Variants in NEGR1 observed in about 807,000 individuals in gnomAD.
NEGR1 encodes neuronal growth regulator 1.
A neutral mutation model predicts 40.9 loss-of-function variants in NEGR1; 10 were observed. The observed-to-expected ratio is 0.24, with a 90% confidence interval of 0.15 to 0.42. The LOEUF (loss-of-function observed/expected upper bound fraction) is 0.42. NEGR1 is among the 10% of genes least tolerant of loss of function. The pLI, the probability that NEGR1 is intolerant of heterozygous loss-of-function variation, is 1.00. For synonymous variants in NEGR1, 185 were observed against 166.8 expected, an observed-to-expected ratio of 1.11 and a Z score of -0.84; for missense variants, 352 against 438.9, an observed-to-expected ratio of 0.80 and a Z score of 1.77.
chr1:72,043,037 G>A (rs968871924), intron 1 of NEGR1, among the ~76,000 whole-genome samples: 5 of 151,846 alleles, frequency 3.3e-5, no homozygotes, highest in Admixed American at 1.3e-4. Context: ...CTAGGGGGTG[G>A]GAGTGGCATA....
chr1:71,845,734 T>TCTATCTACCTAC (rs1553169265), intron 2 of NEGR1, among the ~76,000 whole-genome samples: 6 of 77,686 alleles, frequency 7.7e-5, no homozygotes, highest in African/African-American at 2.4e-4. Context: ...TATCTATCTA[T>TCTATCTACCTAC]CTACCTACCT....
chr1:71,553,919 T>C (rs1000916251), intron 6 of NEGR1, among the ~76,000 whole-genome samples: 2 of 151,540 alleles, frequency 1.3e-5, no homozygotes, highest in African/African-American at 2.4e-5. Flanking sequence ...CTTTTGATGA[T>C]AGAAAATATC....
At chr1:71,930,917 G>A (rs900970144) in intron 2 of NEGR1, among the ~76,000 whole-genome samples, 4 of 152,136 alleles carry the variant, frequency 2.6e-5, no homozygotes, top group Non-Finnish European at 4.4e-5. Context: ...AAAGGAAAAG[G>A]TCTTTATACT....
chr1:71,781,117 T>A (rs190132840), intron 2 of NEGR1, among the ~76,000 whole-genome samples: 5 of 152,340 alleles, frequency 3.3e-5, no homozygotes, highest in Admixed American at 3.3e-4. Context: ...ATGAGCAGTC[T>A]TCAAAGATAT....
chr1:72,111,989 T>C (rs1649389326), intron 1 of NEGR1, among the ~76,000 whole-genome samples: 1 of 151,790 alleles, frequency 6.6e-6, no homozygotes, highest in African/African-American at 2.4e-5. Context: ...ATTAAGTTCT[T>C]ATAGTAATTC....
intron 1 of NEGR1, among the ~76,000 whole-genome samples, chr1:72,092,124 G>A (rs1178247798): frequency 6.6e-6 from 1 of 152,082 alleles, no homozygotes; most frequent in Non-Finnish European, 1.5e-5. Context: ...GTGGTGGGGT[G>A]GGTGGGTTCT....
intron 4 of NEGR1, among the ~76,000 whole-genome samples, chr1:71,622,538 T>G (rs1022406626): frequency 6.6e-6 from 1 of 151,966 alleles, no homozygotes. Flanking sequence ...AATTTTTTTG[T>G]AATTTATTAA....
chr1:71,928,589 A>T (rs927268649), intron 2 of NEGR1, among the ~76,000 whole-genome samples: 4 of 147,712 alleles, frequency 2.7e-5, no homozygotes, highest in African/African-American at 1.0e-4. Flanking sequence ...TTTTTTCCTG[A>T]GACAGCATCT....
chr1:71,626,341 C>T (rs973821696), intron 4 of NEGR1, among the ~76,000 whole-genome samples: 6 of 151,452 alleles, frequency 4.0e-5, no homozygotes, highest in Non-Finnish European at 7.4e-5. Context: ...AGGTATATCT[C>T]TTAATGCTAT....
chr1:72,181,674 G>A (rs1217627002), intron 1 of NEGR1, among the ~76,000 whole-genome samples: 1 of 152,106 alleles, frequency 6.6e-6, no homozygotes, highest in East Asian at 1.9e-4. Flanking sequence ...AAGCAACCTA[G>A]GCGTCTGTGG....
At chr1:72,170,812 A>T (rs1202615497) in intron 1 of NEGR1, among the ~76,000 whole-genome samples, 7 of 152,138 alleles carry the variant, frequency 4.6e-5, no homozygotes, top group Non-Finnish European at 8.8e-5. Context: ...AAAGTCTTAG[A>T]TGTGCAGTCC....
chr1:72,182,594 C>G (rs1652423533), intron 1 of NEGR1, among the ~76,000 whole-genome samples: 1 of 151,822 alleles, frequency 6.6e-6, no homozygotes, highest in African/African-American at 2.4e-5. Context: ...AGCAACTTCC[C>G]AAGGAAGTAT....
chr1:71,421,381 C>T (rs914262222), intron 6 of NEGR1: 4 of 151,972 alleles, frequency 2.6e-5, no homozygotes, highest in African/African-American at 9.7e-5. Context: ...GAAGGAGCAG[C>T]TTTGGCTTAC....
intron 4 of NEGR1, among the ~76,000 whole-genome samples, chr1:71,662,211 TA>T (rs765921934): frequency 5.9e-5 from 9 of 152,190 alleles, no homozygotes; most frequent in Non-Finnish European, 1.3e-4. Context: ...TCCTCATTAG[TA>T]AATGGAAATA....
intron 2 of NEGR1, among the ~76,000 whole-genome samples, chr1:71,917,551 G>A (rs1357958518): frequency 6.6e-6 from 1 of 152,052 alleles, no homozygotes; most frequent in Admixed American, 6.5e-5. Flanking sequence ...AGCACTTTGG[G>A]AGGCGGAGGC....
At chr1:71,967,540 G>A (rs1367146564) in intron 1 of NEGR1, among the ~76,000 whole-genome samples, 3 of 152,068 alleles carry the variant, frequency 2.0e-5, no homozygotes, top group Non-Finnish European at 4.4e-5. Context: ...AGACATACAT[G>A]ATTATAATTT....
intron 6 of NEGR1, among the ~76,000 whole-genome samples, chr1:71,509,473 A>C (rs1290243935): frequency 6.6e-6 from 1 of 152,204 alleles, no homozygotes; most frequent in Non-Finnish European, 1.5e-5. Flanking sequence ...GCAGTTACTC[A>C]GCTCTCCATA....
At chr1:71,876,951 T>C (rs1490245777) in intron 2 of NEGR1, among the ~76,000 whole-genome samples, 1 of 151,816 alleles carries the variant, frequency 6.6e-6, no homozygotes, top group Non-Finnish European at 1.5e-5. Context: ...AGAAGATACT[T>C]AGAGAAAGTA....
At chr1:71,751,625 A>G (rs1219244285) in intron 3 of NEGR1, among the ~76,000 whole-genome samples, 1 of 151,952 alleles carries the variant, frequency 6.6e-6, no homozygotes, top group Non-Finnish European at 1.5e-5. Context: ...ACTACCCAGG[A>G]GCTATTCAGC....
Sources: gnomAD v4.1 joint callset for allele counts (sites outside exome capture counted in the v4.1 genomes callset) on GRCh38, gnomAD v4.1.1 for gene constraint, MANE v1.5 for transcripts, NCBI Gene and HGNC (gene_info 2026-07-23, HGNC 2026-07-21) for gene names.